SHTN1: variants seen among roughly 807,000 people sequenced by gnomAD.
SHTN1 encodes shootin-1.
A neutral mutation model predicts 83.1 loss-of-function variants in SHTN1; 42 were observed. The ratio of observed to expected loss-of-function variants is 0.51; its 90% CI spans 0.39 to 0.65. The LOEUF (loss-of-function observed/expected upper bound fraction) is 0.65, where lower values mean the gene tolerates loss of function less well. Among genes scored for constraint, SHTN1 ranks in the 30% least tolerant of loss-of-function variants. SHTN1 has a pLI of 0.00. For synonymous variants in SHTN1, 224 were observed against 247.7 expected (o/e 0.90, Z 0.90); for missense variants, 622 against 737.8 (o/e 0.84, Z 1.82).
chr10:117,055,772 G>A (rs1306424529), intron 1 of SHTN1, among the ~76,000 whole-genome samples: 4 of 152,316 alleles, frequency 2.6e-5, no homozygotes, highest in South Asian at 2.1e-4. Flanking sequence ...GGAGGCTGAC[G>A]CAGGAGGATC....
chr10:117,068,167 G>C (rs1013475636), intron 1 of SHTN1, among the ~76,000 whole-genome samples: 7 of 152,140 alleles, frequency 4.6e-5, no homozygotes, highest in Admixed American at 4.6e-4. Flanking sequence ...CAAGGCAGGT[G>C]GATCACTTGA....
chr10:116,921,867 T>G (rs1378317915), intron 11 of SHTN1, among the ~76,000 whole-genome samples: 2 of 152,056 alleles, frequency 1.3e-5, no homozygotes, highest in African/African-American at 2.4e-5. Context: ...ATGAAAGAAT[T>G]AGGGAATGTT....
intron 1 of SHTN1, among the ~76,000 whole-genome samples, chr10:117,124,701 G>A (rs1052872001): frequency 3.3e-5 from 5 of 151,984 alleles, no homozygotes; most frequent in Non-Finnish European, 5.9e-5. Flanking sequence ...TTGAACCCCA[G>A]AGGCAGAGGT....
At chr10:116,982,678 C>T (rs963936120) in intron 1 of SHTN1, among the ~76,000 whole-genome samples, 1 of 152,234 alleles carries the variant, frequency 6.6e-6, no homozygotes, top group South Asian at 2.1e-4. Context: ...TTAATCTGGC[C>T]GGGCGCAGTG....
At chr10:117,071,148 G>A (rs1853076023) in intron 1 of SHTN1, among the ~76,000 whole-genome samples, 1 of 152,012 alleles carries the variant, frequency 6.6e-6, no homozygotes, top group Non-Finnish European at 1.5e-5. Context: ...CAAGATTTAA[G>A]CAAAATGAGT....
At chr10:117,062,527 T>C (rs1852917352) in intron 1 of SHTN1, among the ~76,000 whole-genome samples, 1 of 152,154 alleles carries the variant, frequency 6.6e-6, no homozygotes, top group Non-Finnish European at 1.5e-5. Flanking sequence ...CACAAAGCCC[T>C]AGTTCAAATG....
At chr10:116,969,747 C>T (rs1306231200) in intron 2 of SHTN1, among the ~76,000 whole-genome samples, 1 of 151,714 alleles carries the variant, frequency 6.6e-6, no homozygotes, top group Non-Finnish European at 1.5e-5. Flanking sequence ...ATTGATAGGC[C>T]CTGGAGGCAT....
intron 1 of SHTN1, among the ~76,000 whole-genome samples, chr10:116,981,280 C>T (rs1851010724): frequency 6.6e-6 from 1 of 152,190 alleles, no homozygotes; most frequent in Non-Finnish European, 1.5e-5. Context: ...GAACGCACCA[C>T]AGCACACTCC....
rs145640256 is a variant in SHTN1 at position 116,929,994 on chromosome 10, T to A, written c.867A>T (p.Glu289Asp). The A allele has an allele frequency of 1.5e-5, 23 of 1,573,950 alleles. No individual in the cohort carries two copies. In the African/African-American group the frequency reaches 2.6e-4, roughly 18 times the overall value. ...TTTCATTTTCTAGTTGCTCTTCTAA[T>A]TCTTTGACCTATAAGTTATTTAAAA... is the stretch of plus-strand genomic sequence containing the variant. Reference protein sequence around the residue: ...ERIQHQQKVKELEEQLENETL... With the variant: ...ERIQHQQKVKDLEEQLENETL... The change falls in exon 10 of 17, where the codon GAA becomes GAT. Residue 289 changes from glutamate (E) to aspartate (D), a missense_variant. Transcript: ENST00000355371.
rs550602885 is a variant in SHTN1 at position 116,947,024 on chromosome 10, T to G, written c.616+1892A>C. Among the ~76,000 whole-genome samples the G allele has an allele frequency of 2.2e-4, 33 of 152,076 alleles. 1 individual carries two copies. In the South Asian group the frequency reaches 6.8e-3, roughly 32 times the overall value. Reference sequence around the variant, plus strand: ...GTGTGAGCCACCGCGCCTGGACATATAAGTTATTTTTAAGTGTTCTCCATA... The same window carrying G: ...GTGTGAGCCACCGCGCCTGGACATAGAAGTTATTTTTAAGTGTTCTCCATA... On this transcript the variant is annotated intron_variant, in intron 7 of 16. Coordinates refer to ENST00000355371, the MANE Select transcript of SHTN1 (RefSeq NM_001127211.3).
At chr10:117,021,823 G>T (rs1306181401) in intron 2 of SHTN1, among the ~76,000 whole-genome samples, 2 of 152,148 alleles carry the variant, frequency 1.3e-5, no homozygotes, top group South Asian at 2.1e-4. Flanking sequence ...ATCTGTGATG[G>T]TTAGTTTTAG....
rs549105131 is a variant in SHTN1, at chr10:116,895,313, G to A, written c.1673+6452C>T. ...ATGTGCAAATAGAACTTATGCTGAC[G>A]ACTAAAGTAGCTTAAGGCTGGTATT... On this transcript the variant is annotated intron_variant, in intron 16 of 16. Transcript: ENST00000355371. 9.2e-5 allele frequency among the ~76,000 whole-genome samples: 14 copies of A among 152,272 alleles called. No individual in the cohort carries two copies. The East Asian group carries it at 1.9e-3, about 21-fold the overall frequency.
chr10:117,005,398 GA>G (rs1851984311), upstream of SHTN1: 1 of 1,179,614 alleles, frequency 8.5e-7, no homozygotes, highest in African/African-American at 1.6e-5. Flanking sequence ...GCGCTGGTGG[GA>G]GGGGGGGCGG....
At chr10:117,112,407 C>T (rs1217142312) in intron 1 of SHTN1, among the ~76,000 whole-genome samples, 2 of 152,170 alleles carry the variant, frequency 1.3e-5, no homozygotes, top group Non-Finnish European at 1.5e-5. Flanking sequence ...AAGCCTTTTC[C>T]TCCCACCACC....
At chr10:117,019,740 G>A (rs1852232633) in intron 2 of SHTN1, among the ~76,000 whole-genome samples, 1 of 151,370 alleles carries the variant, frequency 6.6e-6, no homozygotes, top group Non-Finnish European at 1.5e-5. Flanking sequence ...CCTGAGGTGG[G>A]AGGACCACTT....
chr10:116,931,773 A>T (rs1229335871), intron 9 of SHTN1, among the ~76,000 whole-genome samples: 1 of 152,236 alleles, frequency 6.6e-6, no homozygotes, highest in Non-Finnish European at 1.5e-5. Flanking sequence ...TATATTTATA[A>T]AGGTATATAT....
chr10:117,107,790 A>AG lies in SHTN1; in HGVS notation c.-189+18516dup, dbSNP rs1161946357. ...CAGAATCTACCTCTATAAAGCCAAGAGGGGAGGTTTCCCTCAGCAATTCTG... is the reference window on the plus strand; with the variant it reads ...CAGAATCTACCTCTATAAAGCCAAGAGGGGGAGGTTTCCCTCAGCAATTCTG... On this transcript the variant is annotated intron_variant, in intron 1 of 17. Coordinates refer to the SHTN1 transcript ENST00000392901. Among the ~76,000 whole-genome samples the AG allele has an allele frequency of 2.6e-5, 4 of 152,288 alleles. 1 individual carries two copies. The East Asian group carries it at 5.8e-4, about 22-fold the overall frequency.
At chr10:116,976,516 T>G (rs1850813742) in intron 2 of SHTN1, among the ~76,000 whole-genome samples, 2 of 152,372 alleles carry the variant, frequency 1.3e-5, no homozygotes, top group Non-Finnish European at 2.9e-5. Context: ...TTGCTGTCCC[T>G]GAACGATTTA....
chr10:117,024,136 G>A (rs1056510512), intron 2 of SHTN1, among the ~76,000 whole-genome samples: 3 of 151,880 alleles, frequency 2.0e-5, no homozygotes, highest in Admixed American at 6.6e-5. Context: ...GAATGGAAGC[G>A]GCCTTACACA....
Sources: allele counts gnomAD v4.1 joint callset (sites outside exome capture counted in the v4.1 genomes callset), GRCh38; gene constraint gnomAD v4.1.1; transcripts MANE v1.5; gene names NCBI Gene and HGNC (gene_info 2026-07-23, HGNC 2026-07-21).